Variants in MTPAP observed in about 807,000 individuals in gnomAD.
The protein encoded by MTPAP is mitochondrial poly(A) polymerase.
MTPAP carries 23 observed loss-of-function variants against 48.7 expected under a neutral mutation model. The observed-to-expected ratio is 0.47, with a 90% confidence interval of 0.34 to 0.67. The LOEUF is 0.67. MTPAP is among the 30% of genes least tolerant of loss of function. MTPAP has a pLI of 0.01. For missense variants in MTPAP, 614 were observed against 694.3 expected, an observed-to-expected ratio of 0.88 and a Z score of 1.30; for synonymous variants, 257 against 254.1, an observed-to-expected ratio of 1.01 and a Z score of -0.11.
chr10:30,330,030 A>C (rs1834647167), intron 4 of MTPAP, among the ~76,000 whole-genome samples: 1 of 152,116 alleles, frequency 6.6e-6, no homozygotes, highest in African/African-American at 2.4e-5. Context: ...TAAATTATTC[A>C]CCGGGTTATC....
At chr10:30,329,291 C>T (rs111995340) in intron 4 of MTPAP, among the ~76,000 whole-genome samples, 7,587 of 151,822 alleles carry the variant, frequency 0.05, 617 homozygotes, top group African/African-American at 0.17. Context: ...TGCAGTGGTG[C>T]AACCAAGCTC....
At position 30,313,356 on chromosome 10, in the gene MTPAP, A is replaced by G; in HGVS notation, c.*253T>C. The G allele has an allele frequency of 2.1e-6, 1 of 483,020 alleles. No homozygotes were observed. Among genetic ancestry groups the G allele is most frequent in the East Asian group, 3.9e-5 (1 of 25,718 alleles). 29.9% of individuals were successfully genotyped at this position (483,020 alleles called of 1,614,324 possible). A position where few individuals can be genotyped will look rare whatever the true frequency, so the allele number is the denominator to read the frequency against. ...GAGATCCTCCTGCCTCAGCCTCCTG[A>G]GCAGCTGGGACTACAGGTGTGCACC... is the stretch of plus-strand genomic sequence containing the variant. On this transcript the variant is annotated 3_prime_UTR_variant, in exon 9 of 9. Transcript: ENST00000263063.
At chr10:30,317,571 T>C (rs1375223510) in intron 6 of MTPAP, among the ~76,000 whole-genome samples, 1 of 152,194 alleles carries the variant, frequency 6.6e-6, no homozygotes, top group Non-Finnish European at 1.5e-5. Flanking sequence ...CTATGCTGTT[T>C]TCAAGAGCAA....
Position 30,313,293 on chromosome 10 carries a change from C to A in MTPAP, c.*316G>T. ...CATTTTTTTTAGAGATGGAATCTTGCTATGTTGTCCACGATGGATTCAAAA... is the reference window on the plus strand; with the variant it reads ...CATTTTTTTTAGAGATGGAATCTTGATATGTTGTCCACGATGGATTCAAAA... On this transcript the variant is annotated 3_prime_UTR_variant, in exon 9 of 9. Transcript: ENST00000263063. 3.2e-6 allele frequency: 1 copy of A among 308,456 alleles called. No individual in the cohort carries two copies. The highest frequency in any genetic ancestry group is 6.1e-6 in the Non-Finnish European group (1 of 164,662). 19.1% of individuals were successfully genotyped at this position (308,456 alleles called of 1,614,324 possible). A position where few individuals can be genotyped will look rare whatever the true frequency, so the allele number is the denominator to read the frequency against.
chr10:30,344,737 C>A (rs562089628), intron 1 of MTPAP, among the ~76,000 whole-genome samples: 1 of 152,238 alleles, frequency 6.6e-6, no homozygotes, highest in Non-Finnish European at 1.5e-5. Flanking sequence ...CAGAGTCTCA[C>A]TCTATTGCCC....
At chr10:30,346,222 A>T (rs559979397) in intron 1 of MTPAP, among the ~76,000 whole-genome samples, 1 of 152,304 alleles carries the variant, frequency 6.6e-6, no homozygotes, top group African/African-American at 2.4e-5. Flanking sequence ...GAATGAATTC[A>T]TATAAAGAAC....
At chr10:30,327,936 G>A (rs1203635669) in intron 4 of MTPAP, among the ~76,000 whole-genome samples, 9 of 151,632 alleles carry the variant, frequency 5.9e-5, no homozygotes, top group Non-Finnish European at 1.0e-4. Context: ...GACAATGAGT[G>A]AATGCTTTTA....
At position 30,340,448 on chromosome 10, in the gene MTPAP, A is replaced by G. The variant is rs1834789014; in HGVS notation, c.333T>C (p.Gly111=). Reference sequence around the variant, plus strand: ...GGCAAAATTCTACGACAGCATAGAGACCCTATACCAAAAACATAAGAAAAA... The same window carrying G: ...GGCAAAATTCTACGACAGCATAGAGGCCCTATACCAAAAACATAAGAAAAA... ...INNHFFYESF[G]LYAVVEFCQK... is the part of the protein sequence containing the mutation. Residue 111 remains glycine, a splice_region_variant and synonymous_variant, in exon 3 of 9, where the codon GGT becomes GGC. Coordinates refer to ENST00000263063, the MANE Select transcript of MTPAP (RefSeq NM_018109.4). 1 of 1,609,760 alleles carries G rather than the reference A, an allele frequency of 6.2e-7. No individual in the cohort carries two copies. The highest frequency in any genetic ancestry group is 1.7e-5 in the Admixed American group (1 of 59,996).
At chr10:30,336,672 C>T (rs1344393419) in intron 4 of MTPAP, 131 bp downstream of exon 4, 9 of 796,136 alleles carry the variant, frequency 1.1e-5, no homozygotes, top group Non-Finnish European at 1.9e-5. Flanking sequence ...ATAACAAATA[C>T]ACCTTATTCT....
At chr10:30,324,747 T>C (rs1291817922) in intron 5 of MTPAP, among the ~76,000 whole-genome samples, 2 of 152,216 alleles carry the variant, frequency 1.3e-5, no homozygotes, top group East Asian at 1.9e-4. Context: ...CTCACACCTG[T>C]AATCCAGCAC....
chr10:30,325,525 T>A (rs1374829930), intron 5 of MTPAP, among the ~76,000 whole-genome samples: 1 of 152,088 alleles, frequency 6.6e-6, no homozygotes, highest in African/African-American at 2.4e-5. Flanking sequence ...AGCAGGCAGA[T>A]CACTTCAGGT....
intron 6 of MTPAP, among the ~76,000 whole-genome samples, chr10:30,321,570 T>C (rs1463160958): frequency 1.3e-5 from 2 of 152,174 alleles, no homozygotes; most frequent in Non-Finnish European, 2.9e-5. Context: ...GGCTGGAATG[T>C]GGGACACATA....
chr10:30,339,648 G>A (rs1834776058), intron 3 of MTPAP, among the ~76,000 whole-genome samples: 1 of 152,056 alleles, frequency 6.6e-6, no homozygotes, highest in South Asian at 2.1e-4. Flanking sequence ...GTACAAATGG[G>A]GCATGGCGGG....
Position 30,333,224 on chromosome 10 carries a change from A to G in MTPAP, c.780+3579T>C, listed in dbSNP as rs542375369. On this transcript the variant is annotated intron_variant, in intron 4 of 8. Coordinates refer to ENST00000263063, the MANE Select transcript of MTPAP (RefSeq NM_018109.4). ...AGAAAAAATTTTGCCTCCCACTTAC[A>G]TAAGAGTAAAATTATATTGCTGTTG... Among the ~76,000 whole-genome samples, 14 of 152,284 alleles carry G rather than the reference A, an allele frequency of 9.2e-5. No homozygotes were observed. In the South Asian group the frequency reaches 1.5e-3, roughly 16 times the overall value.
At chr10:30,345,832 A>C (rs1427773036) in intron 1 of MTPAP, among the ~76,000 whole-genome samples, 2 of 152,094 alleles carry the variant, frequency 1.3e-5, no homozygotes, top group African/African-American at 4.8e-5. Context: ...GGATCACTTG[A>C]GGTCAGAAGT....
intron 4 of MTPAP, among the ~76,000 whole-genome samples, chr10:30,332,564 G>A (rs1834681612): frequency 6.6e-6 from 1 of 152,142 alleles, no homozygotes; most frequent in Non-Finnish European, 1.5e-5. Flanking sequence ...AAAGTGGTAG[G>A]ATTACAGGCT....
intron 3 of MTPAP, 44 bp from the exon 4 acceptor site, chr10:30,337,071 G>T: frequency 6.6e-7 from 1 of 1,511,490 alleles, no homozygotes; most frequent in Non-Finnish European, 9.2e-7. Flanking sequence ...AAAAAGTACA[G>T]GTCGCATAAA....
chr10:30,348,301 C>G (rs930398755), intron 1 of MTPAP, among the ~76,000 whole-genome samples: 9 of 152,168 alleles, frequency 5.9e-5, no homozygotes, highest in African/African-American at 1.9e-4. Flanking sequence ...GAAAAAATAG[C>G]TCCAAGGAAT....
In MTPAP at chr10:30,316,021, T is replaced by C. The variant is rs765446849; in HGVS notation, c.1328A>G (p.Glu443Gly). 6.2e-7 allele frequency: 1 copy of C among 1,611,288 alleles called. No individual in the cohort carries two copies. The highest frequency in any genetic ancestry group is 1.7e-5 in the Admixed American group (1 of 59,880). Residue 443 changes from glutamate (E) to glycine (G), a missense_variant, in exon 8 of 9, where the codon GAA becomes GGA. Transcript: ENST00000263063. ...NTETLELLLK[E>G]FFEYFGNFAF... ...AAAATTGCCAAAATACTCAAAAAAT[T>C]CCTTCAGTAGTAATTCTGTAAGAAA...
Sources: gnomAD v4.1 joint callset for allele counts (sites outside exome capture counted in the v4.1 genomes callset) on GRCh38, gnomAD v4.1.1 for gene constraint, MANE v1.5 for transcripts, NCBI Gene and HGNC (gene_info 2026-07-23, HGNC 2026-07-21) for gene names.